The following TNS3 variants were observed in gnomAD, a reference collection of about 807,000 sequenced individuals.
The protein encoded by TNS3 is tensin-3.
TNS3 carries 45 observed loss-of-function variants against 140.9 expected under a neutral mutation model. The observed-to-expected ratio is 0.32, with a 90% CI of 0.25 to 0.41. The LOEUF (loss-of-function observed/expected upper bound fraction) is 0.41, where lower values mean the gene tolerates loss of function less well. TNS3 is among the 10% of genes least tolerant of loss of function. The pLI is 1.00. For missense variants in TNS3, 1,716 were observed against 1,906.7 expected (o/e 0.90, Z 1.86); for synonymous variants, 815 against 788.4 (o/e 1.03, Z -0.56).
chr7:47,368,546 C>A lies in TNS3; in HGVS notation c.2100G>T (p.Glu700Asp). The change falls in exon 17 of 31, where the codon GAG becomes GAT. Residue 700 changes from glutamate to aspartate, a missense_variant. Coordinates refer to ENST00000311160, the MANE Select transcript of TNS3 (RefSeq NM_022748.12). ...GCTCCAGGATCAGCCTGTTGAGCTG[C>A]TCGATGGACTGGTCGATGTCCAGGG... ...SPTLDIDQSI[E>D]QLNRLILELD... 1 of 1,578,892 alleles carries A rather than the reference C, an allele frequency of 6.3e-7. No individual in the cohort carries two copies. Among genetic ancestry groups the A allele is most frequent in the Non-Finnish European group, 8.6e-7 (1 of 1,157,930 alleles).
At chr7:47,577,196 G>A (rs1484490861) in intron 1 of TNS3, among the ~76,000 whole-genome samples, 1 of 152,216 alleles carries the variant, frequency 6.6e-6, no homozygotes, top group Non-Finnish European at 1.5e-5. Context: ...TCCTTCCTGG[G>A]TGCCGACAGG....
At chr7:47,502,468 A>G (rs2151866853) in intron 3 of TNS3, among the ~76,000 whole-genome samples, 1 of 152,326 alleles carries the variant, frequency 6.6e-6, no homozygotes, top group South Asian at 2.1e-4. Flanking sequence ...CAGAGGACCA[A>G]GTCTTTGCCC....
chr7:47,457,424 C>T (rs1403955959), intron 4 of TNS3, among the ~76,000 whole-genome samples: 1 of 152,094 alleles, frequency 6.6e-6, no homozygotes, highest in African/African-American at 2.4e-5. Flanking sequence ...CAGCTCCTCC[C>T]CACTTCCACA....
intron 13 of TNS3, among the ~76,000 whole-genome samples, chr7:47,401,122 T>A (rs957167548): frequency 2.0e-5 from 3 of 152,230 alleles, no homozygotes; most frequent in Non-Finnish European, 4.4e-5. Flanking sequence ...CTGCTGCTGC[T>A]GGGTGCGGGG....
rs1784859442 is a variant in TNS3 at position 47,276,122 on chromosome 7, A to G, written c.*1954T>C. The G allele has an allele frequency of 4.1e-6, 1 of 246,726 alleles. No homozygotes were observed. The highest frequency in any genetic ancestry group is 8.1e-6 in the Non-Finnish European group (1 of 122,940). 15.3% of individuals were successfully genotyped at this position (246,726 alleles called of 1,614,324 possible). On this transcript the variant is annotated 3_prime_UTR_variant, in exon 31 of 31. Coordinates refer to ENST00000311160, the MANE Select transcript of TNS3 (RefSeq NM_022748.12). ...CCGAGATGCTAGAGGCCTCTGCTAA[A>G]GACATCAGGGTCAACACATGAGGAT...
chr7:47,421,071 G>A (rs1237060722), intron 10 of TNS3, among the ~76,000 whole-genome samples: 1 of 152,132 alleles, frequency 6.6e-6, no homozygotes, highest in African/African-American at 2.4e-5. Flanking sequence ...ACACTCAGGA[G>A]AGATCAGCTC....
Position 47,556,140 on chromosome 7 carries a change from T to C in TNS3, c.-265+25911A>G, listed in dbSNP as rs889176289. 2.6e-5 allele frequency among the ~76,000 whole-genome samples: 4 copies of C among 152,324 alleles called. No homozygotes were observed. The South Asian group carries it at 8.3e-4, about 32-fold the overall frequency. ...GCGGAGGCAACCAGTTGGAGTTCAG[T>C]GTGTGAATCCCATGTTCAGATTCTC... On this transcript the variant is annotated intron_variant, in intron 1 of 30. Coordinates refer to ENST00000311160, the MANE Select transcript of TNS3 (RefSeq NM_022748.12).
chr7:47,292,889 C>T lies in TNS3; in HGVS notation c.3789G>A (p.Leu1263=), dbSNP rs1785790825. 4 of 1,613,988 alleles carry T rather than the reference C, an allele frequency of 2.5e-6. No homozygotes were observed. In the East Asian group the frequency reaches 8.9e-5, roughly 36 times the overall value. Residue 1263 remains leucine, a synonymous_variant, in exon 26 of 31, where the codon TTG becomes TTA. Coordinates refer to ENST00000311160, the MANE Select transcript of TNS3 (RefSeq NM_022748.12). ...NEPYFGSLTA[L]VCQHSITPLA... ...AGGGCGTGATGGAATGCTGGCACAC[C>T]AAGGCCGTCAGGCTCCCTGCAAAGT...
At chr7:47,284,845 G>C (rs533115277) in intron 27 of TNS3, among the ~76,000 whole-genome samples, 1 of 152,226 alleles carries the variant, frequency 6.6e-6, no homozygotes, top group Non-Finnish European at 1.5e-5. Context: ...CTCAGCACTC[G>C]GATGCACGGT....
chr7:47,519,490 C>T (rs747825723), intron 2 of TNS3, among the ~76,000 whole-genome samples: 12 of 152,278 alleles, frequency 7.9e-5, no homozygotes, highest in Middle Eastern at 3.4e-3. Flanking sequence ...CAGACCCCAG[C>T]GGTGGGGCCA....
rs1268202063 is a variant in TNS3 at position 47,415,180 on chromosome 7, A to T, written c.500T>A (p.Leu167Gln). The T allele has an allele frequency of 3.2e-5, 51 of 1,610,024 alleles. No individual in the cohort carries two copies. The highest frequency in any genetic ancestry group is 4.2e-5 in the Non-Finnish European group (49 of 1,178,520). ...GGCATTCATTTTCACCGATCCGGAC[A>T]GGAGCCCACTGAGGAACTGAACATA... Reference protein sequence around the residue: ...KRYVQFLSGLLSGSVKMNASP... With the variant: ...KRYVQFLSGLQSGSVKMNASP... Residue 167 changes from leucine (L) to glutamine (Q), a missense_variant, in exon 11 of 31, where the codon CTG becomes CAG. Physicochemically the swap from Leu to Gln is moderately radical, Grantham distance 113. Coordinates refer to ENST00000311160, the MANE Select transcript of TNS3 (RefSeq NM_022748.12).
intron 10 of TNS3, among the ~76,000 whole-genome samples, chr7:47,417,629 C>A (rs1483339635): frequency 6.6e-6 from 1 of 152,254 alleles, no homozygotes; most frequent in Non-Finnish European, 1.5e-5. Flanking sequence ...TAATTCTCAT[C>A]TGTCCTTTAT....
chr7:47,324,340 C>T (rs1456343267), intron 20 of TNS3, among the ~76,000 whole-genome samples: 2 of 152,198 alleles, frequency 1.3e-5, no homozygotes, highest in Non-Finnish European at 2.9e-5. Flanking sequence ...TCTGCTGGCA[C>T]TCTGACTGGA....
chr7:47,321,775 A>C (rs1400892601), intron 20 of TNS3, among the ~76,000 whole-genome samples: 1 of 152,200 alleles, frequency 6.6e-6, no homozygotes. Context: ...CCTTCGCTCA[A>C]ATAGACCAAA....
At chr7:47,342,521 T>C (rs1789078662) in intron 20 of TNS3, among the ~76,000 whole-genome samples, 1 of 152,208 alleles carries the variant, frequency 6.6e-6, no homozygotes, top group African/African-American at 2.4e-5. Context: ...AATTACATGG[T>C]TATTCCATGA....
intron 1 of TNS3, among the ~76,000 whole-genome samples, chr7:47,563,400 T>C (rs779826168): frequency 1.3e-5 from 2 of 152,218 alleles, no homozygotes; most frequent in Non-Finnish European, 2.9e-5. Context: ...TTCACCAGTT[T>C]TGGTAGAAAA....
In TNS3 at chr7:47,566,384, G is replaced by A. The variant is rs138014976; in HGVS notation, c.-265+15667C>T. 2.0e-3 allele frequency among the ~76,000 whole-genome samples: 303 copies of A among 152,300 alleles called. 5 individuals are homozygous for A. Among genetic ancestry groups the A allele is most frequent in the African/African-American group, 7.0e-3 (293 of 41,568 alleles). ...CTCAGGGTGCTCTTACAGAGTCAGG[G>A]TTTGAGAAAAGGCACACATGTTTGT... On this transcript the variant is annotated intron_variant, in intron 1 of 30. Transcript: ENST00000311160.
intron 10 of TNS3, among the ~76,000 whole-genome samples, chr7:47,418,731 T>A (rs1794215567): frequency 6.6e-6 from 1 of 152,210 alleles, no homozygotes; most frequent in African/African-American, 2.4e-5. Context: ...CAGCTTGAAA[T>A]TTTCAGTTGT....
At chr7:47,488,760 C>T (rs545288297) in intron 3 of TNS3, among the ~76,000 whole-genome samples, 103 of 152,102 alleles carry the variant, frequency 6.8e-4, no homozygotes, top group African/African-American at 2.2e-3. Context: ...CGACACAGAA[C>T]GTTCTGGGCA....
Sources: allele counts gnomAD v4.1 joint callset (sites outside exome capture counted in the v4.1 genomes callset), GRCh38; gene constraint gnomAD v4.1.1; transcripts MANE v1.5; gene names NCBI Gene and HGNC (gene_info 2026-07-23, HGNC 2026-07-21).